COL6A6: variants seen among roughly 807,000 people sequenced by gnomAD.
COL6A6 encodes collagen type VI alpha 6 chain.
In COL6A6, 183 loss-of-function variants were observed where a neutral mutation model predicts 208.6. That is an observed-to-expected ratio of 0.88 (90% CI 0.78 to 0.99). The LOEUF is 0.99. Among genes scored for constraint, COL6A6 ranks in the 50% least tolerant of loss-of-function variants. The pLI, the probability that COL6A6 is intolerant of heterozygous loss-of-function variation, is 0.00. For synonymous variants in COL6A6, 973 were observed against 1,011.8 expected (o/e 0.96, Z 0.73); for missense variants, 2,816 against 2,815.2 (o/e 1.00, Z -0.01).
intron 2 of COL6A6, among the ~76,000 whole-genome samples, chr3:130,562,413 A>G (rs906887242): frequency 1.3e-5 from 2 of 152,246 alleles, no homozygotes; most frequent in African/African-American, 2.4e-5. Context: ...ACCAATTATA[A>G]TATAATGCTC....
chr3:130,635,787 G>T, intron 28 of COL6A6, 26 bp downstream of exon 28: 1 of 1,557,526 alleles, frequency 6.4e-7, no homozygotes, highest in South Asian at 1.1e-5. Flanking sequence ...TCCAATTGCT[G>T]ACAACCTCAC....
chr3:130,662,022 ATTT>A lies in COL6A6; in HGVS notation c.6219_6221del (p.Phe2073del). ...CCTTACAGTGGACTCTGGACAATGTATTTTTAAGTACACCCAATCTGAGAAGAA... is the reference window on the plus strand; with the variant it reads ...CCTTACAGTGGACTCTGGACAATGTATTAAGTACACCCAATCTGAGAAGAA... On this transcript the variant is annotated inframe_deletion, in exon 35 of 37. Transcript: ENST00000358511. 6.2e-7 allele frequency: 1 copy of A among 1,614,040 alleles called. No individual in the cohort carries two copies. The highest frequency in any genetic ancestry group is 8.5e-7 in the Non-Finnish European group (1 of 1,179,892).
At chr3:130,568,649 T>A (rs761631181) in intron 6 of COL6A6, 45 bp downstream of exon 6, 12 of 1,469,210 alleles carry the variant, frequency 8.2e-6, no homozygotes, top group Middle Eastern at 3.6e-4. Flanking sequence ...GAACAACAGA[T>A]GTCTTTTTTA....
intron 1 of COL6A6, among the ~76,000 whole-genome samples, chr3:130,548,154 G>A (rs61695790): frequency 0.033 from 4,990 of 152,288 alleles, 292 homozygotes; most frequent in African/African-American, 0.11. Flanking sequence ...TCTGAGTCTG[G>A]TTCTGATGTT....
intron 2 of COL6A6, 104 bp from the exon 3 acceptor site, chr3:130,562,964 T>A: frequency 1.2e-6 from 1 of 822,546 alleles, no homozygotes; most frequent in Non-Finnish European, 1.9e-6. Context: ...GGAAGGTATT[T>A]TAAAAATAAA....
intron 10 of COL6A6, among the ~76,000 whole-genome samples, 185 bp from the exon 11 acceptor site, chr3:130,586,321 C>G (rs775307281): frequency 2.0e-5 from 3 of 152,140 alleles, no homozygotes; most frequent in Non-Finnish European, 4.4e-5. Context: ...AAACATAATT[C>G]CTTTTGTACT....
chr3:130,609,070 T>C (rs370155908), intron 22 of COL6A6, 106 bp downstream of exon 22: 8 of 798,588 alleles, frequency 1.0e-5, no homozygotes, highest in Non-Finnish European at 1.6e-5. Flanking sequence ...CAGAATTCCA[T>C]GTTTAAAGTT....
At chr3:130,603,359 G>A (rs1392220195) in intron 20 of COL6A6, among the ~76,000 whole-genome samples, 1 of 152,178 alleles carries the variant, frequency 6.6e-6, no homozygotes, top group Admixed American at 6.5e-5. Context: ...CTGGGGAAAG[G>A]GAGGGTACTA....
chr3:130,578,419 G>A (rs530695646), intron 8 of COL6A6, among the ~76,000 whole-genome samples: 1 of 152,274 alleles, frequency 6.6e-6, no homozygotes, highest in South Asian at 2.1e-4. Context: ...ACTTTATTGG[G>A]AGTGCAGTCC....
intron 12 of COL6A6, among the ~76,000 whole-genome samples, chr3:130,590,284 T>C (rs1275301448): frequency 8.4e-5 from 2 of 23,922 alleles, no homozygotes; most frequent in East Asian, 1.1e-3. Context: ...TATATATATA[T>C]ATATATATAT....
chr3:130,641,917 G>C (rs934465424), intron 29 of COL6A6, among the ~76,000 whole-genome samples: 2 of 152,120 alleles, frequency 1.3e-5, no homozygotes, highest in Non-Finnish European at 2.9e-5. Flanking sequence ...TTGAGAGAGA[G>C]GGGAAATTGA....
intron 10 of COL6A6, among the ~76,000 whole-genome samples, chr3:130,585,671 C>T (rs1199058086): frequency 6.6e-6 from 1 of 152,188 alleles, no homozygotes; most frequent in Non-Finnish European, 1.5e-5. Flanking sequence ...AGCCACAGCT[C>T]CTGGATGATT....
rs1347830718 is a variant in COL6A6 at position 130,517,252 on chromosome 3, G to A, written c.-177G>A. Among the ~76,000 whole-genome samples, 2 of 152,278 alleles carry A rather than the reference G, an allele frequency of 1.3e-5. No homozygotes were observed. The highest frequency in any genetic ancestry group is 2.1e-4 in the South Asian group (1 of 4,816). On this transcript the variant is annotated 5_prime_UTR_variant, in exon 1 of 37. Coordinates refer to ENST00000358511, the MANE Select transcript of COL6A6 (RefSeq NM_001102608.3). ...TGCCTGTCCGTTCCACGGTTCCGAG[G>A]TCTCCACCGTCTCCCCGCGCGCCGC...
intron 1 of COL6A6, among the ~76,000 whole-genome samples, chr3:130,557,809 A>G (rs1251598937): frequency 6.6e-6 from 1 of 152,222 alleles, no homozygotes; most frequent in Non-Finnish European, 1.5e-5. Context: ...GAGGTGTTGT[A>G]CAAGTTCTAA....
intron 1 of COL6A6, among the ~76,000 whole-genome samples, chr3:130,528,504 G>A (rs77546528): frequency 6.6e-6 from 1 of 152,184 alleles, no homozygotes; most frequent in Admixed American, 6.5e-5. Flanking sequence ...AGGTCATACT[G>A]TCTCTGTTGC....
At chr3:130,554,432 C>T (rs987272737) in intron 1 of COL6A6, among the ~76,000 whole-genome samples, 23 of 152,244 alleles carry the variant, frequency 1.5e-4, no homozygotes, top group African/African-American at 9.6e-5. Context: ...TTTCTGTACA[C>T]GTTCACACTG....
chr3:130,597,922 A>G (rs2063895433), intron 18 of COL6A6, among the ~76,000 whole-genome samples: 1 of 152,100 alleles, frequency 6.6e-6, no homozygotes, highest in Admixed American at 6.5e-5. Flanking sequence ...TCAGAGTGGA[A>G]CCCATTACAA....
chr3:130,638,413 G>A (rs57606627), intron 28 of COL6A6, among the ~76,000 whole-genome samples: 1 of 151,908 alleles, frequency 6.6e-6, no homozygotes, highest in Non-Finnish European at 1.5e-5. Context: ...TAATCCCAAC[G>A]CAGAGCCTTC....
intron 1 of COL6A6, among the ~76,000 whole-genome samples, chr3:130,539,856 G>C (rs998448263): frequency 4.6e-5 from 7 of 152,064 alleles, no homozygotes; most frequent in African/African-American, 1.7e-4. Flanking sequence ...TGAACTGGAG[G>C]CTTAATTGCC....
Sources: gnomAD v4.1 joint callset for allele counts (sites outside exome capture counted in the v4.1 genomes callset) on GRCh38, gnomAD v4.1.1 for gene constraint, MANE v1.5 for transcripts, NCBI Gene and HGNC (gene_info 2026-07-23, HGNC 2026-07-21) for gene names.